Variants in CSMD1 observed in about 807,000 individuals in gnomAD.
The protein encoded by CSMD1 is CUB and Sushi multiple domains 1.
In CSMD1, 213 loss-of-function variants were observed where a neutral mutation model predicts 417.5. That is an observed-to-expected ratio of 0.51 (90% CI 0.46 to 0.57). CSMD1 has a LOEUF of 0.57. Among genes scored for constraint, CSMD1 ranks in the 20% least tolerant of loss-of-function variants. The pLI is 0.00. For missense variants in CSMD1, 6,923 were observed against 4,529.7 expected, an observed-to-expected ratio of 1.53 and a Z score of -15.17; for synonymous variants, 2,862 against 1,736.8, an observed-to-expected ratio of 1.65 and a Z score of -16.11.
At chr8:3,880,408 T>C (rs1312397369) in intron 5 of CSMD1, among the ~76,000 whole-genome samples, 2 of 152,228 alleles carry the variant, frequency 1.3e-5, no homozygotes, top group African/African-American at 4.8e-5. Context: ...CATGACCAAA[T>C]TAGCTTCAGT....
At position 3,843,808 on chromosome 8, in the gene CSMD1, C is replaced by T. The variant is rs141227228; in HGVS notation, c.819-89766G>A. 4.7e-3 allele frequency among the ~76,000 whole-genome samples: 717 copies of T among 152,244 alleles called. 4 individuals are homozygous for T. Among genetic ancestry groups the T allele is most frequent in the Middle Eastern group, 0.01 (3 of 294 alleles). Reference sequence around the variant, plus strand: ...CAAAATGTGCATGAAAGTAATACTTCCAAGGCTTGTTTTAGGAATCAAATG... The same window carrying T: ...CAAAATGTGCATGAAAGTAATACTTTCAAGGCTTGTTTTAGGAATCAAATG... On this transcript the variant is annotated intron_variant, in intron 5 of 69. Coordinates refer to ENST00000635120, the MANE Select transcript of CSMD1 (RefSeq NM_033225.6).
At chr8:3,311,626 A>T (rs1032015492) in intron 23 of CSMD1, among the ~76,000 whole-genome samples, 5 of 152,216 alleles carry the variant, frequency 3.3e-5, no homozygotes, top group African/African-American at 9.7e-5. Flanking sequence ...GGAAATGAAA[A>T]ACAGATGGTT....
At chr8:3,060,151 C>CTT (rs34354746) in intron 49 of CSMD1, among the ~76,000 whole-genome samples, 39,531 of 139,918 alleles carry the variant, frequency 0.28, 6,426 homozygotes, top group Non-Finnish European at 0.34. Flanking sequence ...TTACTAACAA[C>CTT]TTTTTTTTTT....
chr8:4,539,506 T>G (rs1785790780), intron 2 of CSMD1, among the ~76,000 whole-genome samples: 1 of 152,218 alleles, frequency 6.6e-6, no homozygotes, highest in Admixed American at 6.5e-5. Flanking sequence ...CAAAATCCTC[T>G]AATATTTCAT....
chr8:4,141,231 C>T (rs373927656), intron 3 of CSMD1, among the ~76,000 whole-genome samples: 2 of 151,056 alleles, frequency 1.3e-5, no homozygotes, highest in South Asian at 4.1e-4. Flanking sequence ...TTCACATTTA[C>T]AAGATACTGA....
chr8:4,174,879 C>T (rs78681423), intron 3 of CSMD1, among the ~76,000 whole-genome samples: 51 of 149,768 alleles, frequency 3.4e-4, no homozygotes, highest in African/African-American at 1.2e-3. Context: ...TGTTAATGTA[C>T]ACTAGACATC....
At chr8:3,089,082 G>C (rs1456481663) in intron 48 of CSMD1, among the ~76,000 whole-genome samples, 1 of 152,164 alleles carries the variant, frequency 6.6e-6, no homozygotes, top group East Asian at 1.9e-4. Flanking sequence ...CCCTACAGGG[G>C]AAACCATAGC....
chr8:3,634,292 A>G (rs983990809), intron 7 of CSMD1, among the ~76,000 whole-genome samples: 5 of 152,196 alleles, frequency 3.3e-5, no homozygotes, highest in African/African-American at 1.2e-4. Context: ...CCCCTCTGGT[A>G]GGACTGAAGA....
chr8:3,207,232 C>T (rs1397960281), intron 30 of CSMD1, among the ~76,000 whole-genome samples: 3 of 150,338 alleles, frequency 2.0e-5, no homozygotes, highest in Non-Finnish European at 3.0e-5. Context: ...CTGCAACCTC[C>T]GCCACCCGGG....
At chr8:4,355,306 TAC>T (rs66981171) in intron 3 of CSMD1, among the ~76,000 whole-genome samples, 2,990 of 139,884 alleles carry the variant, frequency 0.021, 104 homozygotes, top group African/African-American at 0.071. Flanking sequence ...AACCACTTCA[TAC>T]ACACACACAC....
intron 7 of CSMD1, among the ~76,000 whole-genome samples, chr8:3,696,269 C>CTAA (rs1020556710): frequency 9.9e-5 from 15 of 152,284 alleles, no homozygotes; most frequent in Admixed American, 1.3e-4. Flanking sequence ...TGCAAGTATT[C>CTAA]TAATAATAAT....
At chr8:4,858,445 T>C (rs1327178041) in intron 1 of CSMD1, among the ~76,000 whole-genome samples, 1 of 150,078 alleles carries the variant, frequency 6.7e-6, no homozygotes, top group Non-Finnish European at 1.5e-5. Flanking sequence ...AAATAAAGGG[T>C]ATTCAATTAG....
At chr8:4,932,051 C>A (rs1458446232) in intron 1 of CSMD1, among the ~76,000 whole-genome samples, 3 of 152,094 alleles carry the variant, frequency 2.0e-5, no homozygotes, top group Non-Finnish European at 4.4e-5. Context: ...GCTAACATTT[C>A]TTTGGTATAT....
intron 1 of CSMD1, among the ~76,000 whole-genome samples, chr8:4,709,393 G>T (rs1187456700): frequency 6.6e-6 from 1 of 152,120 alleles, no homozygotes; most frequent in African/African-American, 2.4e-5. Context: ...TGGAGCCAAG[G>T]GACGAACATA....
chr8:3,439,852 G>A (rs1585167533), intron 12 of CSMD1, among the ~76,000 whole-genome samples: 1 of 152,264 alleles, frequency 6.6e-6, no homozygotes. Flanking sequence ...AGATTCACAT[G>A]GAGGCACATT....
intron 7 of CSMD1, among the ~76,000 whole-genome samples, chr8:3,639,507 G>C (rs1797202658): frequency 6.6e-6 from 1 of 152,180 alleles, no homozygotes; most frequent in African/African-American, 2.4e-5. Flanking sequence ...CTAAATGACA[G>C]TAAAAGACAC....
intron 50 of CSMD1, among the ~76,000 whole-genome samples, 199 bp from the exon 51 acceptor site, chr8:3,029,712 G>A (rs533531943): frequency 6.7e-6 from 1 of 150,246 alleles, no homozygotes; most frequent in East Asian, 1.9e-4. Context: ...GCATTCAATT[G>A]CCTCACTACA....
chr8:3,316,622 T>C (rs1805782323), intron 23 of CSMD1, among the ~76,000 whole-genome samples: 1 of 152,134 alleles, frequency 6.6e-6, no homozygotes, highest in South Asian at 2.1e-4. Context: ...TCAAATCGCA[T>C]GGCAGTTGGG....
chr8:4,762,639 C>T (rs1279249682), intron 1 of CSMD1, among the ~76,000 whole-genome samples: 2 of 152,096 alleles, frequency 1.3e-5, no homozygotes, highest in African/African-American at 4.8e-5. Flanking sequence ...TAGGACGCAG[C>T]GTCTCCACCT....
Sources: gnomAD v4.1 joint callset for allele counts (sites outside exome capture counted in the v4.1 genomes callset) on GRCh38, gnomAD v4.1.1 for gene constraint, MANE v1.5 for transcripts, NCBI Gene and HGNC (gene_info 2026-07-23, HGNC 2026-07-21) for gene names.